The following NMNAT1 variants were observed in gnomAD, a reference collection of about 807,000 sequenced individuals.
The protein encoded by NMNAT1 is nicotinamide nucleotide adenylyltransferase 1.
A neutral mutation model predicts 16.7 loss-of-function variants in NMNAT1; 11 were observed. The ratio of observed to expected loss-of-function variants is 0.66; its 90% CI spans 0.41 to 1.09. The LOEUF (loss-of-function observed/expected upper bound fraction) is 1.09, where lower values mean the gene tolerates loss of function less well. NMNAT1 is among the 50% of genes least tolerant of loss of function. NMNAT1 has a pLI of 0.00. For synonymous variants in NMNAT1, 110 were observed against 119.8 expected (o/e 0.92, Z 0.53); for missense variants, 280 against 332.3 (o/e 0.84, Z 1.22).
intron 2 of NMNAT1, 21 bp from the exon 3 acceptor site, chr1:9,975,571 G>A (rs376486377): frequency 6.3e-7 from 1 of 1,577,558 alleles, no homozygotes; most frequent in African/African-American, 1.4e-5. Context: ...TACCTAGTGT[G>A]AAACCTAACT....
At chr1:9,960,115 G>T (rs1490268858) in intron 1 of NMNAT1, among the ~76,000 whole-genome samples, 8 of 152,036 alleles carry the variant, frequency 5.3e-5, no homozygotes, top group Admixed American at 3.9e-4. Flanking sequence ...TCGAAAAGTT[G>T]ATTTTTAAAA....
In NMNAT1 at chr1:9,982,516, A is replaced by G. The variant is rs1264357500; in HGVS notation, c.655A>G (p.Asn219Asp). The change falls in exon 5 of 5, where the codon AAT becomes GAT. Residue 219 changes from asparagine to aspartate, a missense_variant. Coordinates refer to ENST00000377205, the MANE Select transcript of NMNAT1 (RefSeq NM_022787.4). ...TCACGTGGTGAATGAATGGATCGCT[A>G]ATGACATCTCATCCACAAAAATCCG... is the stretch of plus-strand genomic sequence containing the variant. ...NIHVVNEWIA[N>D]DISSTKIRRA... 9.3e-6 allele frequency: 15 copies of G among 1,614,032 alleles called. No individual in the cohort carries two copies. The highest frequency in any genetic ancestry group is 1.3e-5 in the African/African-American group (1 of 74,928).
the NMNAT1 span, among the ~76,000 whole-genome samples, chr1:9,993,728 C>G: frequency 2.6e-5 from 4 of 152,210 alleles, no homozygotes; most frequent in Admixed American, 6.6e-5. Context: ...TTTTGGCCAG[C>G]AGAGAAGATG....
At chr1:9,986,212 T>A (rs1235127960), downstream of NMNAT1, among the ~76,000 whole-genome samples, 1 of 152,274 alleles carries the variant, frequency 6.6e-6, no homozygotes, top group African/African-American at 2.4e-5. Context: ...TGTAAAACAT[T>A]AGGGAAAATA....
intron 1 of NMNAT1, among the ~76,000 whole-genome samples, chr1:9,954,561 A>G (rs1167233209): frequency 6.6e-6 from 1 of 152,096 alleles, no homozygotes; most frequent in Non-Finnish European, 1.5e-5. Context: ...TCTACGCAGA[A>G]TCATCTCTTG....
chr1:9,952,735 C>T (rs1482740203), intron 1 of NMNAT1, among the ~76,000 whole-genome samples: 1 of 151,972 alleles, frequency 6.6e-6, no homozygotes, highest in Non-Finnish European at 1.5e-5. Flanking sequence ...GACAGGGTTT[C>T]ACCATGTTGG....
rs6664208 is a variant in NMNAT1, at chr1:9,983,400, A to G, written c.*699A>G. On this transcript the variant is annotated 3_prime_UTR_variant, in exon 5 of 5. Coordinates refer to ENST00000377205, the MANE Select transcript of NMNAT1 (RefSeq NM_022787.4). ...CCGGGTGTGGTGGCTCACACCTGTAATCCCAGCACTTTGGGAGGCCTAAGT... is the reference window on the plus strand; with the variant it reads ...CCGGGTGTGGTGGCTCACACCTGTAGTCCCAGCACTTTGGGAGGCCTAAGT... 12,155 of 151,818 alleles carry G rather than the reference A, an allele frequency of 0.08. 729 individuals carry two copies. Among genetic ancestry groups the G allele is most frequent in the East Asian group, 0.21 (1,090 of 5,130 alleles). 9.4% of individuals were successfully genotyped at this position (151,818 alleles called of 1,614,324 possible). A position where few individuals can be genotyped will look rare whatever the true frequency, so the allele number is the denominator to read the frequency against.
At chr1:9,962,195 A>G (rs983463821) in intron 1 of NMNAT1, among the ~76,000 whole-genome samples, 1 of 151,952 alleles carries the variant, frequency 6.6e-6, no homozygotes, top group South Asian at 2.1e-4. Context: ...CAAAAATAAC[A>G]GCTGCCGCCG....
chr1:9,968,770 C>A (rs77928251), intron 1 of NMNAT1, among the ~76,000 whole-genome samples: 317 of 78,950 alleles, frequency 4.0e-3, no homozygotes, highest in African/African-American at 8.9e-3. Flanking sequence ...GACTCTGTCT[C>A]AAAAAAAAAA....
intron 1 of NMNAT1, among the ~76,000 whole-genome samples, chr1:9,970,263 C>T (rs931601403): frequency 4.6e-5 from 7 of 151,940 alleles, no homozygotes; most frequent in African/African-American, 1.7e-4. Context: ...TAGAAACTAC[C>T]AGAAGAAATA....
intron 3 of NMNAT1, among the ~76,000 whole-genome samples, chr1:9,978,191 A>G (rs971822283): frequency 2.0e-5 from 3 of 152,168 alleles, no homozygotes; most frequent in African/African-American, 7.2e-5. Flanking sequence ...CCCCGTCTCT[A>G]CTAAAAATAC....
At chr1:9,987,752 C>T (rs1252468415), downstream of NMNAT1, among the ~76,000 whole-genome samples, 3 of 151,934 alleles carry the variant, frequency 2.0e-5, no homozygotes, top group East Asian at 3.8e-4. Flanking sequence ...TTGCTTGAGC[C>T]TGGGATCTGG....
intron 1 of NMNAT1, among the ~76,000 whole-genome samples, chr1:9,968,829 C>T (rs563624102): frequency 2.8e-5 from 4 of 142,984 alleles, no homozygotes; most frequent in Non-Finnish European, 6.0e-5. Context: ...ATCCCAGCTA[C>T]TTGGGAGGCT....
At chr1:9,972,532 G>A in intron 2 of NMNAT1, 1 of 183,188 alleles carries the variant, frequency 5.5e-6, no homozygotes, top group South Asian at 1.1e-4. Flanking sequence ...GGCATGACTG[G>A]GTCTGTTTCA....
intron 3 of NMNAT1, among the ~76,000 whole-genome samples, chr1:9,980,653 A>G (rs1641925621): frequency 6.6e-6 from 1 of 151,730 alleles, no homozygotes. Flanking sequence ...TGTTAATGAT[A>G]TTCTTTTTTT....
At chr1:9,974,555 A>G (rs2101699243) in intron 2 of NMNAT1, among the ~76,000 whole-genome samples, 1 of 151,572 alleles carries the variant, frequency 6.6e-6, no homozygotes, top group Middle Eastern at 3.4e-3. Context: ...TGCCTGGCTA[A>G]TTTTTTGTAT....
chr1:9,943,074 C>A, upstream of NMNAT1: 1 of 265,096 alleles, frequency 3.8e-6, no homozygotes, highest in South Asian at 3.8e-5. Context: ...AGGGTTTGGC[C>A]CAGAACCAAC....
At chr1:9,971,316 AT>A (rs998814583) in intron 1 of NMNAT1, among the ~76,000 whole-genome samples, 3 of 149,794 alleles carry the variant, frequency 2.0e-5, no homozygotes, top group African/African-American at 7.4e-5. Context: ...ATTGAAGCCA[AT>A]TTTTTTTTTC....
rs777518015 is a variant in NMNAT1 at position 9,984,940 on chromosome 1, A to C, written c.*2239A>C. 1 of 152,230 alleles carries C rather than the reference A, an allele frequency of 6.6e-6. No homozygotes were observed. The highest frequency in any genetic ancestry group is 2.1e-4 in the South Asian group (1 of 4,826). 9.4% of individuals were successfully genotyped at this position (152,230 alleles called of 1,614,324 possible). A position where few individuals can be genotyped will look rare whatever the true frequency, so the allele number is the denominator to read the frequency against. ...TTTTTGGCCATCATGAGGATCTAACAACAGAGTAGAAGGAAGGATGCCCTA... is the reference window on the plus strand; with the variant it reads ...TTTTTGGCCATCATGAGGATCTAACCACAGAGTAGAAGGAAGGATGCCCTA... On this transcript the variant is annotated 3_prime_UTR_variant, in exon 5 of 5. Coordinates refer to ENST00000377205, the MANE Select transcript of NMNAT1 (RefSeq NM_022787.4).
Sources: gnomAD v4.1 joint callset for allele counts (sites outside exome capture counted in the v4.1 genomes callset) on GRCh38, gnomAD v4.1.1 for gene constraint, MANE v1.5 for transcripts, NCBI Gene and HGNC (gene_info 2026-07-23, HGNC 2026-07-21) for gene names.